Variants in STK38 observed in about 807,000 individuals in gnomAD.
STK38 encodes the protein serine/threonine-protein kinase 38.
Under a neutral mutation model 59.0 loss-of-function variants are expected in STK38, and 26 were observed. The ratio of observed to expected loss-of-function variants is 0.44; its 90% CI spans 0.32 to 0.61. The LOEUF (loss-of-function observed/expected upper bound fraction) is 0.61, where lower values mean the gene tolerates loss of function less well. STK38 is among the 20% of genes least tolerant of loss of function. STK38 has a pLI of 0.04. For synonymous variants in STK38, 175 were observed against 176.6 expected (o/e 0.99, Z 0.07); for missense variants, 433 against 566.0 (o/e 0.76, Z 2.38).
At chr6:36,527,552 C>CAAAGAAA (rs1777562035) in intron 2 of STK38, among the ~76,000 whole-genome samples, 1 of 137,798 alleles carries the variant, frequency 7.3e-6, no homozygotes, top group Admixed American at 7.3e-5. Flanking sequence ...GACTCTGCCT[C>CAAAGAAA]AAAGAAAAAA....
At chr6:36,498,614 G>C in intron 10 of STK38, 128 bp from the exon 11 acceptor site, 1 of 1,031,534 alleles carries the variant, frequency 9.7e-7, no homozygotes, top group Non-Finnish European at 1.3e-6. Flanking sequence ...TTGAGACAGG[G>C]TCTCACTCTG....
intron 6 of STK38, among the ~76,000 whole-genome samples, chr6:36,515,958 G>A (rs569011164): frequency 1.3e-5 from 2 of 152,300 alleles, no homozygotes; most frequent in South Asian, 4.1e-4. Context: ...CGGGCAGGCT[G>A]AAAACAAGCT....
At chr6:36,512,330 A>C (rs1777129816) in intron 7 of STK38, among the ~76,000 whole-genome samples, 1 of 152,176 alleles carries the variant, frequency 6.6e-6, no homozygotes, top group Non-Finnish European at 1.5e-5. Context: ...ATTCCTCTTC[A>C]GTTAGACCGA....
At chr6:36,532,213 G>C (rs1052354547) in intron 2 of STK38, among the ~76,000 whole-genome samples, 1 of 150,508 alleles carries the variant, frequency 6.6e-6, no homozygotes, top group African/African-American at 2.5e-5. Context: ...GGGAGGCTAA[G>C]GATGGCTTGA....
intron 5 of STK38, among the ~76,000 whole-genome samples, chr6:36,519,734 T>C (rs1777337379): frequency 1.3e-5 from 2 of 152,206 alleles, no homozygotes; most frequent in Admixed American, 1.3e-4. Context: ...GGGGTGCTAG[T>C]TGCTATCCTG....
intron 9 of STK38, among the ~76,000 whole-genome samples, chr6:36,502,930 T>C (rs889424294): frequency 2.0e-5 from 3 of 152,248 alleles, no homozygotes; most frequent in Non-Finnish European, 4.4e-5. Flanking sequence ...TGATTCACAC[T>C]GTCACAAGTA....
chr6:36,496,041 G>A (rs878924401), intron 13 of STK38, 127 bp from the exon 14 acceptor site: 7 of 826,810 alleles, frequency 8.5e-6, no homozygotes, highest in Non-Finnish European at 1.3e-5. Flanking sequence ...TTCACTCTAT[G>A]AATTTTTTTT....
At chr6:36,532,869 A>C (rs892095302) in intron 2 of STK38, among the ~76,000 whole-genome samples, 1 of 152,044 alleles carries the variant, frequency 6.6e-6, no homozygotes, top group Non-Finnish European at 1.5e-5. Flanking sequence ...ATTGCACTCT[A>C]GCCTGGGCAA....
chr6:36,499,549 G>T (rs561288573), intron 10 of STK38, among the ~76,000 whole-genome samples: 2 of 152,182 alleles, frequency 1.3e-5, no homozygotes, highest in South Asian at 4.1e-4. Flanking sequence ...GGAAAGTGAG[G>T]CAATGCCCAG....
At chr6:36,537,287 A>T (rs185776703) in intron 2 of STK38, among the ~76,000 whole-genome samples, 84 of 152,342 alleles carry the variant, frequency 5.5e-4, no homozygotes, top group African/African-American at 1.8e-3. Context: ...AATGTAAAGT[A>T]AATAGAACTC....
chr6:36,511,647 C>T (rs997461761), intron 7 of STK38, among the ~76,000 whole-genome samples: 5 of 151,966 alleles, frequency 3.3e-5, no homozygotes, highest in Non-Finnish European at 5.9e-5. Context: ...TGAGCCACCA[C>T]GCCTGGCCTC....
chr6:36,506,609 T>C lies in STK38; in HGVS notation c.808A>G (p.Thr270Ala). The C allele has an allele frequency of 6.2e-7, 1 of 1,613,510 alleles. No individual in the cohort carries two copies. The highest frequency in any genetic ancestry group is 2.2e-5 in the East Asian group (1 of 44,852). Residue 270 changes from threonine to alanine, a missense_variant, in exon 9 of 14, where the codon ACC becomes GCC. Physicochemically the swap from Thr to Ala is moderately conservative, Grantham distance 58. This residue lies in a region of STK38 where 293 missense variants were observed against 388.2 expected (regional missense o/e 0.75). Transcript: ENST00000229812. Reference sequence around the variant, plus strand: ...AGCTGACGTCTATTTCTTTTCCAGGTTTCTGCTTTCCTTTTGGAATTCATG... The same window carrying C: ...AGCTGACGTCTATTTCTTTTCCAGGCTTCTGCTTTCCTTTTGGAATTCATG... ...QNMNSKRKAE[T>A]WKRNRRQLAF... is the part of the protein sequence containing the mutation.
intron 2 of STK38, 40 bp from the exon 3 acceptor site, chr6:36,525,682 AATG>A (rs772371085): frequency 6.5e-5 from 100 of 1,547,302 alleles, no homozygotes; most frequent in Admixed American, 5.8e-4. Flanking sequence ...ATCACATCTG[AATG>A]ATAACTTTCT....
chr6:36,515,095 T>A (rs568061252), intron 7 of STK38, among the ~76,000 whole-genome samples: 23 of 152,148 alleles, frequency 1.5e-4, no homozygotes, highest in South Asian at 6.2e-4. Context: ...GCCCTCTACA[T>A]CAATTTTGCT....
chr6:36,538,756 G>A (rs970529264), intron 2 of STK38, among the ~76,000 whole-genome samples: 3 of 151,976 alleles, frequency 2.0e-5, no homozygotes, highest in Non-Finnish European at 4.4e-5. Context: ...GCTGGGCGTG[G>A]TGGCGCATGC....
At chr6:36,529,006 G>C (rs139901865) in intron 2 of STK38, among the ~76,000 whole-genome samples, 55 of 152,130 alleles carry the variant, frequency 3.6e-4, no homozygotes, top group Non-Finnish European at 6.8e-4. Flanking sequence ...ATTAGAGAAA[G>C]TATCCAGAAA....
At chr6:36,499,176 T>C (rs1321206812) in intron 10 of STK38, among the ~76,000 whole-genome samples, 3 of 152,176 alleles carry the variant, frequency 2.0e-5, no homozygotes, top group Non-Finnish European at 2.9e-5. Context: ...AATACCCTTA[T>C]ATGGGTAAAG....
At chr6:36,498,309 G>T in intron 11 of STK38, 54 bp downstream of exon 11, 17 of 1,574,450 alleles carry the variant, frequency 1.1e-5, no homozygotes, top group Non-Finnish European at 1.5e-5. Flanking sequence ...TAAAAAAATG[G>T]AATCATTCAT....
chr6:36,546,167 T>A (rs920532875), intron 1 of STK38, among the ~76,000 whole-genome samples: 3 of 152,226 alleles, frequency 2.0e-5, no homozygotes, highest in African/African-American at 7.2e-5. Context: ...CTTATACTTG[T>A]TTTAATATTC....
Sources: gnomAD v4.1 joint callset for allele counts (sites outside exome capture counted in the v4.1 genomes callset) on GRCh38, gnomAD v4.1.1 for gene constraint, gnomAD v4.1.1 regional missense constraint, MANE v1.5 for transcripts, NCBI Gene and HGNC (gene_info 2026-07-23, HGNC 2026-07-21) for gene names.